Variants in GRN observed in about 807,000 individuals in gnomAD.
The protein encoded by GRN is granulin precursor.
In GRN, 30 loss-of-function variants were observed where a neutral mutation model predicts 66.7. That is an observed-to-expected ratio of 0.45 (90% CI 0.34 to 0.61). The LOEUF (loss-of-function observed/expected upper bound fraction) is 0.61, where lower values mean the gene tolerates loss of function less well. Ranked by LOEUF, GRN falls within the 20% of genes least tolerant of loss-of-function variation. The pLI is 0.01. For missense variants in GRN, 731 were observed against 803.5 expected, an observed-to-expected ratio of 0.91 and a Z score of 1.09; for synonymous variants, 327 against 311.1, an observed-to-expected ratio of 1.05 and a Z score of -0.54.
chr17:44,350,930 T>C (rs564968591), intron 7 of GRN, 107 bp from the exon 8 acceptor site: 5 of 1,418,876 alleles, frequency 3.5e-6, no homozygotes, highest in Non-Finnish European at 5.0e-6. Context: ...GCAGGGTTCA[T>C]GCTACCCCCT....
chr17:44,345,580 T>G (rs912996153), intron 1 of GRN: 2 of 152,268 alleles, frequency 1.3e-5, no homozygotes, highest in African/African-American at 4.8e-5. Context: ...GACCACACCA[T>G]TCTTGACCCA....
rs780706808 is a variant in GRN at position 44,351,768 on chromosome 17, GGAGTGGGGCTGCTGTCCAATCCCA to G, written c.1156_1179del (p.Trp386_Glu393del). 6.2e-7 allele frequency: 1 copy of G among 1,613,596 alleles called. No individual in the cohort carries two copies. Among genetic ancestry groups the G allele is most frequent in the East Asian group, 2.2e-5 (1 of 44,892 alleles). On this transcript the variant is annotated inframe_deletion, in exon 10 of 13. Coordinates refer to ENST00000053867, the MANE Select transcript of GRN (RefSeq NM_002087.4). ...ATACCTGCTGCCAACTCACGTCTGG[GGAGTGGGGCTGCTGTCCAATCCCA>G]GAGGTATATGGGAGGGGACAGCATC...
chr17:44,351,070 C>A lies in GRN; in HGVS notation c.742C>A (p.Pro248Thr), dbSNP rs1206373923. Residue 248 changes from proline (P) to threonine (T), a missense_variant, in exon 8 of 13, where the codon CCC becomes ACC. By Grantham distance (38) the Pro-to-Thr change is conservative (BLOSUM62 -1). Around this residue, in one of 3 missense-constraint regions of GRN, gnomAD observed 370 missense variants for 379.8 expected, o/e 0.97. Coordinates refer to ENST00000053867, the MANE Select transcript of GRN (RefSeq NM_002087.4). ...CTGCTCCGATCACCTGCACTGCTGCCCCCAAGACACTGTGTGTGACCTGAT... is the reference window on the plus strand; with the variant it reads ...CTGCTCCGATCACCTGCACTGCTGCACCCAAGACACTGTGTGTGACCTGAT... ...TCCSDHLHCCPQDTVCDLIQS... is the reference protein window; with the variant it reads ...TCCSDHLHCCTQDTVCDLIQS... 1 of 1,614,020 alleles carries A rather than the reference C, an allele frequency of 6.2e-7. No homozygotes were observed. Among genetic ancestry groups the A allele is most frequent in the Non-Finnish European group, 8.5e-7 (1 of 1,179,924 alleles).
intron 6 of GRN, 52 bp from the exon 7 acceptor site, chr17:44,350,639 A>C: frequency 6.2e-7 from 1 of 1,611,682 alleles, no homozygotes; most frequent in Non-Finnish European, 8.5e-7. Context: ...CTCCAAGTGT[A>C]GGAAAAAGTT....
intron 4 of GRN, chr17:44,349,961 G>T: frequency 1.6e-6 from 1 of 639,362 alleles, no homozygotes; most frequent in Non-Finnish European, 2.8e-6. Flanking sequence ...AGGTCCAGGC[G>T]TTGTGGGGGT....
chr17:44,352,522 CCTG>C lies in GRN; in HGVS notation c.1600_1602del (p.Cys534del). 6.2e-7 allele frequency: 1 copy of C among 1,614,026 alleles called. No homozygotes were observed. Among genetic ancestry groups the C allele is most frequent in the Non-Finnish European group, 8.5e-7 (1 of 1,180,022 alleles). On this transcript the variant is annotated inframe_deletion, in exon 12 of 13. Transcript: ENST00000053867. ...GGACACTTCTGCCATGATAACCAGA[CCTG>C]CTGCCGAGACAACCGACAGGGCTGG...
At chr17:44,352,601 G>A (rs1270353551) in intron 12 of GRN, 30 bp downstream of exon 12, 1 of 1,611,828 alleles carries the variant, frequency 6.2e-7, no homozygotes, top group Non-Finnish European at 8.5e-7. Context: ...CTGGGGCTGG[G>A]TATGGCCAGG....
chr17:44,351,560 G>A lies in GRN; in HGVS notation c.944G>A (p.Cys315Tyr). The A allele has an allele frequency of 6.2e-7, 1 of 1,614,088 alleles. No homozygotes were observed. Among genetic ancestry groups the A allele is most frequent in the South Asian group, 1.1e-5 (1 of 91,088 alleles). The change falls in exon 10 of 13, where the codon TGT (cysteine) becomes TAT (tyrosine). Residue 315 changes from cysteine to tyrosine, a missense_variant. Coordinates refer to ENST00000053867, the MANE Select transcript of GRN (RefSeq NM_002087.4). The stretch of plus-strand genomic sequence containing the variant: ...CTTCATCTGCCCTAGGCTGTGTGCT[G>A]TGAGGACCACATACACTGCTGTCCC... ...GCCPFTQAVC[C>Y]EDHIHCCPAG...
intron 10 of GRN, 72 bp downstream of exon 10, chr17:44,351,867 C>T: frequency 1.3e-6 from 2 of 1,535,718 alleles, no homozygotes; most frequent in Non-Finnish European, 9.0e-7. Context: ...CTGCCCTCCG[C>T]ATAGCCCATA....
rs1194175352 is a variant in GRN, at chr17:44,351,433, G to C, written c.906G>C (p.Gly302=). 1 of 1,613,762 alleles carries C rather than the reference G, an allele frequency of 6.2e-7. No homozygotes were observed. Among genetic ancestry groups the C allele is most frequent in the Non-Finnish European group, 8.5e-7 (1 of 1,179,702 alleles). ...DGYTCCRLQS[G]AWGCCPFTQA... is the part of the protein sequence containing the mutation. ...ATACCTGCTGCCGTCTACAGTCGGG[G>C]GCCTGGGGCTGCTGCCCTTTTACCC... is the stretch of plus-strand genomic sequence containing the variant. Residue 302 remains glycine, a synonymous_variant, in exon 9 of 13, where the codon GGG becomes GGC. Coordinates refer to ENST00000053867, the MANE Select transcript of GRN (RefSeq NM_002087.4).
In GRN at chr17:44,350,257, CCT is replaced by C. The variant is rs63750405; in HGVS notation, c.380_381del (p.Pro127ArgfsTer2). The C allele has an allele frequency of 6.2e-7, 1 of 1,613,826 alleles. No individual in the cohort carries two copies. The highest frequency in any genetic ancestry group is 8.5e-7 in the Non-Finnish European group (1 of 1,179,812). ...GNNSVGAIQC[P>X]DSQFECPDFS... The stretch of plus-strand genomic sequence containing the variant: ...CAACTCCGTGGGTGCCATCCAGTGC[CCT>C]GATAGTCAGTTCGAATGCCCGGACT... On this transcript the variant is annotated frameshift_variant, in exon 5 of 13. Coordinates refer to ENST00000053867, the MANE Select transcript of GRN (RefSeq NM_002087.4). LOFTEE classifies it high-confidence loss of function.
intron 3 of GRN, 51 bp from the exon 4 acceptor site, chr17:44,349,611 TCTACC>T: frequency 6.2e-7 from 1 of 1,611,580 alleles, no homozygotes; most frequent in Non-Finnish European, 8.5e-7. Flanking sequence ...TTTCCTGCAC[TCTACC>T]ACCTGCAGAT....
At position 44,349,518 on chromosome 17, in the gene GRN, C is replaced by CT. The variant is rs1567885658; in HGVS notation, c.232dup (p.Ser78PhefsTer41). The CT allele has an allele frequency of 6.2e-7, 1 of 1,614,224 alleles. No individual in the cohort carries two copies. Among genetic ancestry groups the CT allele is most frequent in the Non-Finnish European group, 8.5e-7 (1 of 1,180,052 alleles). On this transcript the variant is annotated frameshift_variant, in exon 3 of 13. Coordinates refer to ENST00000053867, the MANE Select transcript of GRN (RefSeq NM_002087.4). LOFTEE classifies it high-confidence loss of function. ...CCGGCCACTCCTGCATCTTTACCGT[C>CT]TCAGGGACTTCCAGTTGCTGCCCCT...
chr17:44,352,164 C>T lies in GRN; in HGVS notation c.1329C>T (p.Gly443=), dbSNP rs1203165538. Reference sequence around the variant, plus strand: ...CCTTATCCCACCCCAGAGACATCGGCTGTGACCAGCACACCAGCTGCCCGG... The same window carrying T: ...CCTTATCCCACCCCAGAGACATCGGTTGTGACCAGCACACCAGCTGCCCGG... The part of the protein sequence containing the change: ...RASLSHPRDI[G]CDQHTSCPVG... The change falls in exon 11 of 13, where the codon GGC becomes GGT. Residue 443 remains glycine, a synonymous_variant. Coordinates refer to ENST00000053867, the MANE Select transcript of GRN (RefSeq NM_002087.4). The T allele has an allele frequency of 1.2e-6, 2 of 1,613,764 alleles. No homozygotes were observed. Among genetic ancestry groups the T allele is most frequent in the Non-Finnish European group, 8.5e-7 (1 of 1,179,978 alleles).
In GRN at chr17:44,350,480, C is replaced by T. The variant is rs372194047; in HGVS notation, c.501C>T (p.His167=). 4.7e-5 allele frequency: 76 copies of T among 1,613,920 alleles called. No homozygotes were observed. Among genetic ancestry groups the T allele is most frequent in the East Asian group, 4.2e-4 (19 of 44,874 alleles). ...AAGACAGGGTGCACTGCTGTCCGCA[C>T]GGTGCCTTCTGCGACCTGGTTCACA... ...CCEDRVHCCP[H]GAFCDLVHTR... is the part of the protein sequence containing the mutation. The change falls in exon 6 of 13, where the codon CAC becomes CAT. Residue 167 remains histidine, a synonymous_variant. Transcript: ENST00000053867.
intron 5 of GRN, 36 bp downstream of exon 5, chr17:44,350,376 A>C: frequency 6.6e-7 from 1 of 1,510,328 alleles, no homozygotes; most frequent in Non-Finnish European, 9.1e-7. Context: ...ATGTGGAGGG[A>C]AGTGGGGGCA....
chr17:44,352,299 G>A, intron 11 of GRN, 42 bp from the exon 12 acceptor site: 1 of 1,604,280 alleles, frequency 6.2e-7, no homozygotes, highest in Non-Finnish European at 8.5e-7. Flanking sequence ...CCCAGTGAGG[G>A]GACAGGAACA....
At position 44,352,701 on chromosome 17, in the gene GRN, G is replaced by A. The variant is rs766819514; in HGVS notation, c.1685G>A (p.Gly562Asp). 4.3e-6 allele frequency: 7 copies of A among 1,610,496 alleles called. No homozygotes were observed. Among genetic ancestry groups the A allele is most frequent in the Non-Finnish European group, 5.9e-6 (7 of 1,179,998 alleles). ...GATCGGCGCCACTGCTGTCCTGCTGGCTTCCGCTGCGCAGCCAGGGGTACC... is the reference window on the plus strand; with the variant it reads ...GATCGGCGCCACTGCTGTCCTGCTGACTTCCGCTGCGCAGCCAGGGGTACC... ...CADRRHCCPAGFRCAARGTKC... is the reference protein window; with the variant it reads ...CADRRHCCPADFRCAARGTKC... The change falls in exon 13 of 13, where the codon GGC (glycine) becomes GAC (aspartate). Residue 562 changes from glycine (G) to aspartate (D), a missense_variant. By Grantham distance (94) the Gly-to-Asp change is moderately conservative (BLOSUM62 -1). Coordinates refer to ENST00000053867, the MANE Select transcript of GRN (RefSeq NM_002087.4).
Position 44,350,819 on chromosome 17 carries a change from C to G in GRN, c.708+19C>G, listed in dbSNP as rs1429448058. On this transcript the variant is annotated intron_variant, in intron 7 of 12. Coordinates refer to ENST00000053867, the MANE Select transcript of GRN (RefSeq NM_002087.4). ...GCCCAACGTGAGTGAGGGGCTGGAG[C>G]CAGCTTGGCTGTGTGCCCCCAGCCA... The G allele has an allele frequency of 1.9e-6, 3 of 1,582,360 alleles. No homozygotes were observed. The African/African-American group carries it at 4.0e-5, about 21-fold the overall frequency.
Sources: gnomAD v4.1 joint callset for allele counts on GRCh38, gnomAD v4.1.1 for gene constraint, gnomAD v4.1.1 regional missense constraint, MANE v1.5 for transcripts, NCBI Gene and HGNC (gene_info 2026-07-23, HGNC 2026-07-21) for gene names.